LYG2: variants seen among roughly 807,000 people sequenced by gnomAD.
LYG2 encodes lysozyme g2, also known as lysozyme g-like protein 2.
Under a neutral mutation model 22.4 loss-of-function variants are expected in LYG2, and 25 were observed. The observed-to-expected ratio is 1.12, with a 90% CI of 0.81 to 1.56. The LOEUF is 1.56. Among genes scored for constraint, LYG2 ranks in the 40% most tolerant of loss-of-function variants. The pLI, the probability that LYG2 is intolerant of heterozygous loss-of-function variation, is 0.00. For synonymous variants in LYG2, 88 were observed against 97.0 expected, an observed-to-expected ratio of 0.91 and a Z score of 0.55; for missense variants, 266 against 269.5, an observed-to-expected ratio of 0.99 and a Z score of 0.09.
chr2:99,254,926 C>G (rs575791891), intron 2 of LYG2, 94 bp downstream of exon 2: 1 of 152,368 alleles, frequency 6.6e-6, no homozygotes, highest in South Asian at 2.1e-4. Context: ...AAGAGGTTTC[C>G]TCTGCTCCAT....
chr2:99,251,548 G>A (rs2094026649), intron 3 of LYG2, among the ~76,000 whole-genome samples: 1 of 152,150 alleles, frequency 6.6e-6, no homozygotes, highest in Non-Finnish European at 1.5e-5. Context: ...TAAAATGCTT[G>A]CATTCTTAAA....
intron 3 of LYG2, among the ~76,000 whole-genome samples, chr2:99,252,852 C>T (rs888937151): frequency 7.2e-5 from 11 of 152,050 alleles, no homozygotes; most frequent in African/African-American, 2.4e-4. Flanking sequence ...CAAGACCATC[C>T]TGGGTAACAC....
intron 4 of LYG2, 114 bp from the exon 5 acceptor site, chr2:99,245,572 G>A (rs1007454787): frequency 5.1e-5 from 22 of 429,854 alleles, no homozygotes; most frequent in African/African-American, 3.7e-4. Context: ...GGAGGAGTTC[G>A]AAACCAGCCT....
At chr2:99,250,373 CTTTT>C (rs531807991) in intron 3 of LYG2, among the ~76,000 whole-genome samples, 3 of 130,376 alleles carry the variant, frequency 2.3e-5, no homozygotes, top group Admixed American at 8.3e-5. Flanking sequence ...TTTTCCAACT[CTTTT>C]TTTTTTTTTT....
At chr2:99,260,278 T>A (rs962405825), upstream of LYG2, among the ~76,000 whole-genome samples, 1 of 152,170 alleles carries the variant, frequency 6.6e-6, no homozygotes. Context: ...AGCTATTTTT[T>A]AAAAACAGCT....
intron 1 of LYG2, chr2:99,255,346 A>C (rs1225116278): frequency 2.0e-5 from 3 of 152,182 alleles, no homozygotes; most frequent in Non-Finnish European, 1.5e-5. Context: ...CATTGACCTC[A>C]TTAGGCCTGG....
At chr2:99,250,924 G>C (rs1353177000) in intron 3 of LYG2, among the ~76,000 whole-genome samples, 2 of 152,208 alleles carry the variant, frequency 1.3e-5, no homozygotes, top group African/African-American at 4.8e-5. Flanking sequence ...GAAAGAATAA[G>C]ACCTGTATAT....
At chr2:99,258,083 C>A (rs2094039616), upstream of LYG2, among the ~76,000 whole-genome samples, 1 of 152,178 alleles carries the variant, frequency 6.6e-6, no homozygotes, top group South Asian at 2.1e-4. Flanking sequence ...ACCTGCCTCC[C>A]TCCCAACACT....
intron 3 of LYG2, among the ~76,000 whole-genome samples, chr2:99,247,648 TA>T (rs1335484173): frequency 6.6e-6 from 1 of 152,142 alleles, no homozygotes; most frequent in Admixed American, 6.5e-5. Context: ...AGAGGAATTT[TA>T]AAACATTTCT....
At chr2:99,246,005 G>A (rs1440509201) in intron 4 of LYG2, among the ~76,000 whole-genome samples, 2 of 152,152 alleles carry the variant, frequency 1.3e-5, no homozygotes, top group Non-Finnish European at 2.9e-5. Flanking sequence ...CTACTCAGGA[G>A]ACTGAGGCAG....
chr2:99,248,919 A>G (rs994625989), intron 3 of LYG2, among the ~76,000 whole-genome samples: 2 of 152,162 alleles, frequency 1.3e-5, no homozygotes, highest in Non-Finnish European at 2.9e-5. Flanking sequence ...TAAAAATTGA[A>G]TTTGCCAAAA....
In LYG2 at chr2:99,245,968, C is replaced by G. The variant is rs554302401; in HGVS notation, c.185-510G>C. 2.0e-5 allele frequency among the ~76,000 whole-genome samples: 3 copies of G among 152,126 alleles called. No homozygotes were observed. The South Asian group carries it at 6.2e-4, about 32-fold the overall frequency. On this transcript the variant is annotated intron_variant, in intron 4 of 6. Coordinates refer to ENST00000333017, the MANE Select transcript of LYG2 (RefSeq NM_175735.4). ...ACTAAAAATACAAAAATTAGCTGGA[C>G]TTGGTGGCAGGCACCTGTAACCCCA... is the stretch of plus-strand genomic sequence containing the variant.
chr2:99,243,399 C>T (rs1334890431), intron 6 of LYG2: 26 of 1,546,614 alleles, frequency 1.7e-5, no homozygotes, highest in African/African-American at 5.5e-5. Context: ...CCTGAAGTCC[C>T]GAAAATACTC....
At chr2:99,259,286 GA>G (rs1457198159), upstream of LYG2, among the ~76,000 whole-genome samples, 2 of 148,766 alleles carry the variant, frequency 1.3e-5, no homozygotes, top group African/African-American at 2.5e-5. Flanking sequence ...AAAGAGAAAA[GA>G]AAAAAAAAGA....
chr2:99,243,700 T>C, intron 6 of LYG2: 2 of 487,126 alleles, frequency 4.1e-6, no homozygotes. Context: ...CAGCTTTTTT[T>C]TTTTTTTTTT....
At chr2:99,258,942 T>G (rs1056134443), upstream of LYG2, among the ~76,000 whole-genome samples, 2 of 152,142 alleles carry the variant, frequency 1.3e-5, no homozygotes, top group African/African-American at 4.8e-5. Flanking sequence ...CCAATAAAGC[T>G]CATGAAAAAT....
At chr2:99,252,996 G>A (rs888996440) in intron 3 of LYG2, among the ~76,000 whole-genome samples, 1 of 141,580 alleles carries the variant, frequency 7.1e-6, no homozygotes, top group Admixed American at 7.6e-5. Flanking sequence ...GCAGTGAGCT[G>A]AGATCGCACC....
intron 3 of LYG2, among the ~76,000 whole-genome samples, chr2:99,251,055 CAA>C (rs2094025585): frequency 6.6e-6 from 1 of 151,348 alleles, no homozygotes; most frequent in Admixed American, 6.6e-5. Flanking sequence ...TCAAAAGAAA[CAA>C]TACAAGGATG....
chr2:99,243,564 C>A, intron 6 of LYG2: 1 of 1,361,730 alleles, frequency 7.3e-7, no homozygotes, highest in South Asian at 1.3e-5. Context: ...GAGATGGGGT[C>A]TCACTCTGTC....
Sources: allele counts gnomAD v4.1 joint callset (sites outside exome capture counted in the v4.1 genomes callset), GRCh38; gene constraint gnomAD v4.1.1; transcripts MANE v1.5; gene names NCBI Gene and HGNC (gene_info 2026-07-23, HGNC 2026-07-21).